Variants in ZMAT4 observed in about 807,000 individuals in gnomAD.
ZMAT4 encodes zinc finger matrin-type 4.
In ZMAT4, 17 loss-of-function variants were observed where a neutral mutation model predicts 28.7. The observed-to-expected ratio is 0.59, with a 90% CI of 0.41 to 0.89. The LOEUF (loss-of-function observed/expected upper bound fraction) is 0.89. ZMAT4 is among the 40% of genes least tolerant of loss of function. The probability of loss-of-function intolerance (pLI) is 0.00; values close to 1 mark genes in which losing one functional copy is unlikely to be tolerated. For synonymous variants in ZMAT4, 117 were observed against 109.2 expected, an observed-to-expected ratio of 1.07 and a Z score of -0.44; for missense variants, 240 against 283.8, an observed-to-expected ratio of 0.85 and a Z score of 1.11.
chr8:40,641,249 T>G (rs1383182463), intron 5 of ZMAT4, among the ~76,000 whole-genome samples: 1 of 152,186 alleles, frequency 6.6e-6, no homozygotes, highest in African/African-American at 2.4e-5. Context: ...CATTGCTAAA[T>G]GAGCAAAATT....
chr8:40,720,267 G>A (rs1811023976), intron 3 of ZMAT4, among the ~76,000 whole-genome samples: 1 of 152,146 alleles, frequency 6.6e-6, no homozygotes, highest in South Asian at 2.1e-4. Context: ...TATTGAGTAT[G>A]AATGTAAAGG....
chr8:40,760,741 GCT>G (rs1220675755), intron 3 of ZMAT4, among the ~76,000 whole-genome samples: 13 of 93,488 alleles, frequency 1.4e-4, no homozygotes, highest in African/African-American at 2.8e-4. Context: ...TCTCTGTCAT[GCT>G]CTCTCTCTCT....
chr8:40,536,348 G>A (rs1802846754), intron 6 of ZMAT4, among the ~76,000 whole-genome samples: 1 of 152,056 alleles, frequency 6.6e-6, no homozygotes. Flanking sequence ...CCTGGTCTGT[G>A]GCATTGCACT....
intron 5 of ZMAT4, among the ~76,000 whole-genome samples, chr8:40,660,913 G>A (rs1157798367): frequency 6.6e-6 from 1 of 152,060 alleles, no homozygotes; most frequent in Non-Finnish European, 1.5e-5. Context: ...TATTTTATTT[G>A]CCTCGGAAAT....
intron 5 of ZMAT4, among the ~76,000 whole-genome samples, chr8:40,598,233 C>T (rs1207063156): frequency 6.6e-6 from 1 of 152,160 alleles, no homozygotes; most frequent in Admixed American, 6.5e-5. Flanking sequence ...TTCCAGGATA[C>T]ATGTGCAGAA....
chr8:40,579,207 T>A (rs766595413), intron 6 of ZMAT4, among the ~76,000 whole-genome samples: 1 of 152,216 alleles, frequency 6.6e-6, no homozygotes, highest in Non-Finnish European at 1.5e-5. Context: ...ACTATCTGTA[T>A]TAGTTATTTA....
intron 2 of ZMAT4, among the ~76,000 whole-genome samples, chr8:40,792,734 A>AGGGGGGGAGGGGG (rs1814416524): frequency 3.3e-5 from 1 of 30,720 alleles, no homozygotes; most frequent in Non-Finnish European, 6.4e-5. Context: ...GGAGGAGGGG[A>AGGGGGGGAGGGGG]AGGGTAGGGG....
intron 5 of ZMAT4, among the ~76,000 whole-genome samples, chr8:40,631,261 A>T (rs1182325858): frequency 6.6e-6 from 1 of 152,054 alleles, no homozygotes. Flanking sequence ...CAACCTCTGC[A>T]ATTCTCTTGC....
chr8:40,562,727 C>A (rs1041340466), intron 6 of ZMAT4, among the ~76,000 whole-genome samples: 1 of 152,092 alleles, frequency 6.6e-6, no homozygotes, highest in African/African-American at 2.4e-5. Context: ...GATTGACAAG[C>A]CATCTGTCAA....
At chr8:40,716,826 A>G (rs9298601) in intron 3 of ZMAT4, among the ~76,000 whole-genome samples, 1 of 151,450 alleles carries the variant, frequency 6.6e-6, no homozygotes, top group African/African-American at 2.4e-5. Flanking sequence ...ATATCAACAA[A>G]GACCTAGGCC....
intron 2 of ZMAT4, among the ~76,000 whole-genome samples, chr8:40,799,042 G>A (rs1285726776): frequency 6.6e-6 from 1 of 151,830 alleles, no homozygotes; most frequent in African/African-American, 2.4e-5. Context: ...TAGAAGGATA[G>A]ATGGCTGGCT....
rs762033110 is a variant in ZMAT4 at position 40,745,354 on chromosome 8, G to A, written c.192+22287C>T. Among the ~76,000 whole-genome samples, 5 of 152,114 alleles carry A rather than the reference G, an allele frequency of 3.3e-5. No homozygotes were observed. In the East Asian group the frequency reaches 5.8e-4, roughly 18 times the overall value. ...TTGTGTGACCCTAGGGTTCTATTTC[G>A]AAGGTATTTAAAAGCAAACTACAAG... On this transcript the variant is annotated intron_variant, in intron 3 of 6. Coordinates refer to ENST00000297737, the MANE Select transcript of ZMAT4 (RefSeq NM_024645.3).
At chr8:40,865,024 T>C (rs1189590510) in intron 1 of ZMAT4, among the ~76,000 whole-genome samples, 1 of 152,206 alleles carries the variant, frequency 6.6e-6, no homozygotes, top group African/African-American at 2.4e-5. Flanking sequence ...TTTTACTCAA[T>C]GAATTCTGTG....
intron 3 of ZMAT4, among the ~76,000 whole-genome samples, chr8:40,701,497 C>G (rs974284166): frequency 7.7e-5 from 11 of 143,748 alleles, no homozygotes; most frequent in African/African-American, 2.8e-4. Context: ...GGATACACAA[C>G]TATGCAGAAT....
At chr8:40,897,258 A>C (rs2150676171) in intron 1 of ZMAT4, among the ~76,000 whole-genome samples, 1 of 152,250 alleles carries the variant, frequency 6.6e-6, no homozygotes, top group South Asian at 2.1e-4. Flanking sequence ...AAGGCAGATC[A>C]AGGTAATACG....
At chr8:40,620,087 T>G (rs562071413) in intron 5 of ZMAT4, among the ~76,000 whole-genome samples, 1 of 152,298 alleles carries the variant, frequency 6.6e-6, no homozygotes, top group African/African-American at 2.4e-5. Context: ...AAATCTAGAT[T>G]TTTCTCACTA....
chr8:40,620,048 G>A (rs995577175), intron 5 of ZMAT4, among the ~76,000 whole-genome samples: 3 of 152,168 alleles, frequency 2.0e-5, no homozygotes, highest in African/African-American at 7.2e-5. Flanking sequence ...TAAAATCTTA[G>A]CATTTGCAGA....
At chr8:40,537,992 C>A (rs942380583) in intron 6 of ZMAT4, among the ~76,000 whole-genome samples, 3 of 152,116 alleles carry the variant, frequency 2.0e-5, no homozygotes, top group African/African-American at 4.8e-5. Context: ...TTCTAAGAAA[C>A]CCTCCCCATA....
intron 6 of ZMAT4, among the ~76,000 whole-genome samples, chr8:40,576,776 T>C (rs1051156961): frequency 6.6e-6 from 1 of 152,150 alleles, no homozygotes; most frequent in African/African-American, 2.4e-5. Context: ...TCAAACCTTA[T>C]CACTACGAAA....
Sources: gnomAD v4.1 joint callset for allele counts (sites outside exome capture counted in the v4.1 genomes callset) on GRCh38, gnomAD v4.1.1 for gene constraint, MANE v1.5 for transcripts, NCBI Gene and HGNC (gene_info 2026-07-23, HGNC 2026-07-21) for gene names.